GRM7: variants seen among roughly 807,000 people sequenced by gnomAD.
GRM7 encodes the protein glutamate metabotropic receptor 7.
GRM7 carries 35 observed loss-of-function variants against 84.5 expected under a neutral mutation model. The observed-to-expected ratio is 0.41, with a 90% CI of 0.32 to 0.55. The LOEUF (loss-of-function observed/expected upper bound fraction) is 0.55. Among genes scored for constraint, GRM7 ranks in the 20% least tolerant of loss-of-function variants. GRM7 has a pLI of 0.19. For synonymous variants in GRM7, 487 were observed against 455.1 expected, an observed-to-expected ratio of 1.07 and a Z score of -0.89; for missense variants, 1,003 against 1,194.6, an observed-to-expected ratio of 0.84 and a Z score of 2.36.
At chr3:7,500,203 T>A (rs1307736894) in intron 7 of GRM7, among the ~76,000 whole-genome samples, 2 of 152,244 alleles carry the variant, frequency 1.3e-5, no homozygotes, top group Non-Finnish European at 2.9e-5. Flanking sequence ...ATAAAAGCTC[T>A]TGTCTCTTTG....
chr3:6,885,773 G>A (rs1181068460), intron 1 of GRM7, among the ~76,000 whole-genome samples: 1 of 152,192 alleles, frequency 6.6e-6, no homozygotes, highest in Non-Finnish European at 1.5e-5. Context: ...CTGAAGTTTT[G>A]TAGCAGCAAC....
At chr3:7,149,898 AT>A (rs1214818575) in intron 2 of GRM7, among the ~76,000 whole-genome samples, 11 of 152,336 alleles carry the variant, frequency 7.2e-5, no homozygotes, top group Non-Finnish European at 7.3e-5. Flanking sequence ...AACTTTGAAA[AT>A]AACTTGAGTA....
At chr3:7,650,535 T>A (rs2125113690) in intron 8 of GRM7, among the ~76,000 whole-genome samples, 1 of 152,332 alleles carries the variant, frequency 6.6e-6, no homozygotes, top group African/African-American at 2.4e-5. Flanking sequence ...GTTTTTTAAT[T>A]TACCTTGCAG....
chr3:6,945,532 T>C (rs1362212175), intron 1 of GRM7, among the ~76,000 whole-genome samples: 2 of 152,138 alleles, frequency 1.3e-5, no homozygotes, highest in African/African-American at 4.8e-5. Context: ...TACATGTGCA[T>C]GTGTCTTTAT....
In GRM7 at chr3:7,017,489, A is replaced by C. The variant is rs1190549499; in HGVS notation, c.520-128963A>C. 2.6e-5 allele frequency among the ~76,000 whole-genome samples: 4 copies of C among 152,224 alleles called. No individual in the cohort carries two copies. The East Asian group carries it at 5.8e-4, about 22-fold the overall frequency. On this transcript the variant is annotated intron_variant, in intron 1 of 9. Transcript: ENST00000357716. Reference sequence around the variant, plus strand: ...ACAGTATTGAACGGAATAATGCAGAAACTGGGGTAAAGTTTATAGTCTTAG... The same window carrying C: ...ACAGTATTGAACGGAATAATGCAGACACTGGGGTAAAGTTTATAGTCTTAG...
intron 8 of GRM7, among the ~76,000 whole-genome samples, chr3:7,600,234 G>C (rs986319396): frequency 6.6e-6 from 1 of 151,792 alleles, no homozygotes; most frequent in Non-Finnish European, 1.5e-5. Flanking sequence ...GTGTACCAGG[G>C]GTATAGTGTT....
chr3:7,281,766 G>C (rs1699257228), intron 2 of GRM7, among the ~76,000 whole-genome samples: 1 of 152,154 alleles, frequency 6.6e-6, no homozygotes, highest in African/African-American at 2.4e-5. Context: ...TCCCACCCCA[G>C]ACCTACTGAA....
intron 6 of GRM7, among the ~76,000 whole-genome samples, chr3:7,455,320 G>C (rs1428631845): frequency 6.6e-6 from 1 of 152,054 alleles, no homozygotes; most frequent in Non-Finnish European, 1.5e-5. Context: ...AAAGTATTGG[G>C]TTACAGTATG....
intron 7 of GRM7, among the ~76,000 whole-genome samples, chr3:7,564,671 C>A (rs1694178756): frequency 6.6e-6 from 1 of 152,072 alleles, no homozygotes; most frequent in Non-Finnish European, 1.5e-5. Context: ...TTAAATTAAT[C>A]GTTATTTAGG....
intron 1 of GRM7, among the ~76,000 whole-genome samples, chr3:6,955,016 T>A (rs1167981802): frequency 1.3e-5 from 2 of 152,208 alleles, no homozygotes; most frequent in Non-Finnish European, 2.9e-5. Flanking sequence ...TATTATAAAG[T>A]ATGTGAAAGT....
At chr3:6,876,644 C>T (rs1455037663) in intron 1 of GRM7, among the ~76,000 whole-genome samples, 1 of 149,780 alleles carries the variant, frequency 6.7e-6, no homozygotes, top group African/African-American at 2.5e-5. Flanking sequence ...CTGTATCGCC[C>T]AGGCTGGAAT....
intron 8 of GRM7, among the ~76,000 whole-genome samples, chr3:7,586,570 G>A (rs1695526904): frequency 6.6e-6 from 1 of 152,212 alleles, no homozygotes; most frequent in South Asian, 2.1e-4. Context: ...CACTTCGGGA[G>A]GCTGAGATGG....
At chr3:7,292,927 G>A (rs918300031) in intron 2 of GRM7, among the ~76,000 whole-genome samples, 12 of 151,164 alleles carry the variant, frequency 7.9e-5, no homozygotes, top group East Asian at 2.0e-4. Context: ...CCAGTTGCTC[G>A]GGGGGCCAAG....
chr3:7,700,349 C>T (rs114515806), intron 9 of GRM7, among the ~76,000 whole-genome samples: 2,312 of 152,276 alleles, frequency 0.015, 65 homozygotes, highest in African/African-American at 0.053. Context: ...CTCCTGGGAA[C>T]GCCACCAAGC....
chr3:6,959,482 A>G (rs1451692213), intron 1 of GRM7, among the ~76,000 whole-genome samples: 1 of 152,082 alleles, frequency 6.6e-6, no homozygotes, highest in African/African-American at 2.4e-5. Flanking sequence ...TTTTCTATAA[A>G]TGCTTTCTAA....
intron 1 of GRM7, among the ~76,000 whole-genome samples, chr3:6,889,343 A>T (rs1353999863): frequency 6.6e-6 from 1 of 152,144 alleles, no homozygotes; most frequent in African/African-American, 2.4e-5. Flanking sequence ...GTTTTCGTCC[A>T]TTCAGTATGA....
chr3:7,298,581 T>C, intron 2 of GRM7, 103 bp from the exon 3 acceptor site: 1 of 907,426 alleles, frequency 1.1e-6, no homozygotes, highest in South Asian at 1.5e-5. Flanking sequence ...CAAGGAAGTA[T>C]TGCATATCCG....
At chr3:7,692,601 C>T (rs74934207) in intron 9 of GRM7, among the ~76,000 whole-genome samples, 1,760 of 152,218 alleles carry the variant, frequency 0.012, 43 homozygotes, top group African/African-American at 0.041. Flanking sequence ...GAAATTTTCA[C>T]CATATTTTCA....
At chr3:7,316,945 A>G (rs998432109) in intron 4 of GRM7, among the ~76,000 whole-genome samples, 1 of 152,172 alleles carries the variant, frequency 6.6e-6, no homozygotes, top group African/African-American at 2.4e-5. Flanking sequence ...TTCTGTCATC[A>G]CGAGGATAAG....
Sources: allele counts gnomAD v4.1 joint callset (sites outside exome capture counted in the v4.1 genomes callset), GRCh38; gene constraint gnomAD v4.1.1; transcripts MANE v1.5; gene names NCBI Gene and HGNC (gene_info 2026-07-23, HGNC 2026-07-21).